OR8B2: variants seen among roughly 807,000 people sequenced by gnomAD.
The protein encoded by OR8B2 is olfactory receptor 8B2.
For missense variants in OR8B2, 304 were observed against 379.6 expected (o/e 0.80, Z 1.65); for synonymous variants, 98 against 138.2 (o/e 0.71, Z 2.04).
At chr11:124,386,590 T>C (rs1355587280), upstream of OR8B2, among the ~76,000 whole-genome samples, 5 of 150,892 alleles carry the variant, frequency 3.3e-5, no homozygotes, top group Middle Eastern at 3.2e-3. Context: ...CATGAACTCA[T>C]CATTTTTTAT....
chr11:124,394,089 A>G, the OR8B2 span, among the ~76,000 whole-genome samples: 81 of 112,900 alleles, frequency 7.2e-4, no homozygotes, highest in African/African-American at 2.5e-3. Flanking sequence ...AGAACATCAC[A>G]CTCTGGGGAC....
chr11:124,390,524 A>G, the OR8B2 span, among the ~76,000 whole-genome samples: 4 of 152,320 alleles, frequency 2.6e-5, no homozygotes, highest in African/African-American at 9.6e-5. Context: ...GTGTTGGGCC[A>G]TATTCAAAGC....
chr11:124,383,088 C>A lies in OR8B2; in HGVS notation c.256G>T (p.Val86Leu). The part of the protein sequence containing the change: ...VFTPKMLMNF[V>L]SKKNIISNVG... ...TTGGAGATAATATTCTTTTTTGACA[C>A]AAAGTTCATTAGCATTTTGGGAGTG... is the stretch of plus-strand genomic sequence containing the variant. Residue 86 changes from valine (V) to leucine (L), a missense_variant, in exon 2 of 2, where the codon GTG (valine) becomes TTG (leucine). Physicochemically the swap from Val to Leu is conservative, Grantham distance 32. Coordinates refer to ENST00000641451, the MANE Select transcript of OR8B2 (RefSeq NM_001005468.2). 3.1e-6 allele frequency: 5 copies of A among 1,613,776 alleles called. No individual in the cohort carries two copies. Among genetic ancestry groups the A allele is most frequent in the Non-Finnish European group, 4.2e-6 (5 of 1,179,830 alleles).
the OR8B2 span, among the ~76,000 whole-genome samples, chr11:124,395,205 A>T: frequency 2.6e-5 from 4 of 152,116 alleles, no homozygotes; most frequent in Admixed American, 2.6e-4. Flanking sequence ...TGGAAGCTGC[A>T]ATGAGCTATG....
chr11:124,395,263 CAAAA>C, the OR8B2 span, among the ~76,000 whole-genome samples: 1 of 150,660 alleles, frequency 6.6e-6, no homozygotes, highest in Non-Finnish European at 1.5e-5. Context: ...GATCCTGTCT[CAAAA>C]AAAAGACAAA....
At chr11:124,386,890 C>G (rs1203458270), upstream of OR8B2, among the ~76,000 whole-genome samples, 1 of 121,636 alleles carries the variant, frequency 8.2e-6, no homozygotes, top group Non-Finnish European at 1.6e-5. Flanking sequence ...TGAAAGTGTT[C>G]CTATTTCTCC....
chr11:124,384,102 C>T (rs1860655052), intron 1 of OR8B2, among the ~76,000 whole-genome samples: 1 of 152,082 alleles, frequency 6.6e-6, no homozygotes, highest in East Asian at 1.9e-4. Flanking sequence ...GACCCTTAAA[C>T]TCTTCTATAT....
the OR8B2 span, among the ~76,000 whole-genome samples, chr11:124,393,754 G>A: frequency 6.6e-6 from 1 of 151,700 alleles, no homozygotes; most frequent in South Asian, 2.1e-4. Context: ...CCCAATACTG[G>A]GTATATACCC....
chr11:124,385,086 T>C (rs1416113175), upstream of OR8B2, among the ~76,000 whole-genome samples: 3 of 152,182 alleles, frequency 2.0e-5, no homozygotes, highest in Non-Finnish European at 2.9e-5. Context: ...TCAGATTTTT[T>C]AAATAAAATT....
the OR8B2 span, among the ~76,000 whole-genome samples, chr11:124,391,419 A>C: frequency 1.3e-5 from 2 of 152,156 alleles, no homozygotes; most frequent in African/African-American, 4.8e-5. Flanking sequence ...GCAATAAAAA[A>C]TGATAAAGGG....
chr11:124,388,319 G>T (rs1291851669), upstream of OR8B2, among the ~76,000 whole-genome samples: 1 of 150,944 alleles, frequency 6.6e-6, no homozygotes, highest in Non-Finnish European at 1.5e-5. Context: ...GGTGAGAGAT[G>T]GCATCCCTGT....
chr11:124,393,538 A>C, the OR8B2 span, among the ~76,000 whole-genome samples: 86 of 136,432 alleles, frequency 6.3e-4, 2 homozygotes, highest in African/African-American at 2.6e-3. Context: ...GCCATCAGAG[A>C]AATGCAAATC....
At chr11:124,396,223 A>G in the OR8B2 span, 2 of 577,742 alleles carry the variant, frequency 3.5e-6, no homozygotes, top group Non-Finnish European at 6.0e-6. Context: ...CCTATTTAGT[A>G]AAATTGTGAG....
At chr11:124,388,318 T>C (rs7103647), upstream of OR8B2, among the ~76,000 whole-genome samples, 1 of 143,252 alleles carries the variant, frequency 7.0e-6, no homozygotes, top group Non-Finnish European at 1.5e-5. Flanking sequence ...TGGTGAGAGA[T>C]GGCATCCCTG....
At chr11:124,391,075 A>G in the OR8B2 span, among the ~76,000 whole-genome samples, 2 of 152,308 alleles carry the variant, frequency 1.3e-5, no homozygotes, top group East Asian at 3.9e-4. Context: ...TGAATCTGCT[A>G]TTCTATCTCA....
chr11:124,397,004 G>A, the OR8B2 span: 21 of 1,613,820 alleles, frequency 1.3e-5, no homozygotes, highest in African/African-American at 2.7e-5. Flanking sequence ...ATGCCATTGA[G>A]GTCAACATGT....
upstream of OR8B2, among the ~76,000 whole-genome samples, chr11:124,385,495 TGTGTG>T (rs1417592030): frequency 2.5e-4 from 3 of 11,780 alleles, no homozygotes; most frequent in Non-Finnish European, 1.2e-3. Context: ...AACATGCGTG[TGTGTG>T]TGTGTGTGTG....
chr11:124,396,984 T>G, the OR8B2 span: 3 of 1,613,706 alleles, frequency 1.9e-6, no homozygotes, highest in Non-Finnish European at 2.5e-6. Context: ...GATGGCCACA[T>G]AGCGATCATA....
chr11:124,386,651 C>A (rs1208934360), upstream of OR8B2, among the ~76,000 whole-genome samples: 3 of 151,750 alleles, frequency 2.0e-5, no homozygotes, highest in Non-Finnish European at 1.5e-5. Context: ...TTAATCCAGT[C>A]TATCATTGTT....
Sources: gnomAD v4.1 joint callset for allele counts (sites outside exome capture counted in the v4.1 genomes callset) on GRCh38, gnomAD v4.1.1 for gene constraint, MANE v1.5 for transcripts, NCBI Gene and HGNC (gene_info 2026-07-23, HGNC 2026-07-21) for gene names.